The following CDK14 variants were observed in gnomAD, a reference collection of about 807,000 sequenced individuals.
CDK14 encodes cyclin-dependent kinase 14.
Under a neutral mutation model 60.7 loss-of-function variants are expected in CDK14, and 34 were observed. The observed-to-expected ratio is 0.56, with a 90% CI of 0.43 to 0.75. The LOEUF (loss-of-function observed/expected upper bound fraction) is 0.75. CDK14 is among the 30% of genes least tolerant of loss of function. The pLI is 0.00. For missense variants in CDK14, 482 were observed against 564.1 expected (o/e 0.85, Z 1.47); for synonymous variants, 197 against 203.7 (o/e 0.97, Z 0.28).
intron 7 of CDK14, among the ~76,000 whole-genome samples, chr7:90,911,983 C>G (rs907069690): frequency 6.6e-6 from 1 of 152,164 alleles, no homozygotes; most frequent in Non-Finnish European, 1.5e-5. Context: ...AAAGATAGCT[C>G]TGCTGCTGGC....
intron 8 of CDK14, among the ~76,000 whole-genome samples, chr7:90,939,025 A>G (rs777115112): frequency 3.9e-5 from 6 of 152,244 alleles, no homozygotes; most frequent in Non-Finnish European, 7.3e-5. Flanking sequence ...TATATTTCAA[A>G]TATGGTTTCC....
chr7:90,944,712 A>G (rs1328360820), intron 8 of CDK14, among the ~76,000 whole-genome samples: 1 of 152,210 alleles, frequency 6.6e-6, no homozygotes, highest in Non-Finnish European at 1.5e-5. Flanking sequence ...AGCCTGGGTG[A>G]CAGAGTAAGA....
chr7:91,193,044 A>G (rs1425558671), intron 14 of CDK14, among the ~76,000 whole-genome samples: 1 of 152,162 alleles, frequency 6.6e-6, no homozygotes, highest in Admixed American at 6.5e-5. Context: ...AGTGTAGGAA[A>G]TCATGTAAGC....
At chr7:91,180,692 G>A (rs1211369615) in intron 14 of CDK14, among the ~76,000 whole-genome samples, 1 of 152,324 alleles carries the variant, frequency 6.6e-6, no homozygotes, top group South Asian at 2.1e-4. Flanking sequence ...TCTCCACGAG[G>A]TCAGGGAGAA....
chr7:90,741,840 T>G (rs957899048), intron 3 of CDK14, among the ~76,000 whole-genome samples: 57 of 152,122 alleles, frequency 3.7e-4, no homozygotes, highest in African/African-American at 1.1e-3. Flanking sequence ...TTTGGAACCT[T>G]TCCTTTGTTA....
chr7:90,681,306 G>A (rs1444141598), intron 2 of CDK14, among the ~76,000 whole-genome samples: 11 of 152,138 alleles, frequency 7.2e-5, no homozygotes. Flanking sequence ...TAATCCCTGT[G>A]TACTTTTGGC....
intron 6 of CDK14, among the ~76,000 whole-genome samples, chr7:90,896,535 A>G (rs1321429953): frequency 6.6e-6 from 1 of 152,004 alleles, no homozygotes; most frequent in Non-Finnish European, 1.5e-5. Context: ...TCTGGCATTA[A>G]AAAAAAACCT....
At chr7:91,059,844 A>G (rs1188062570) in intron 11 of CDK14, among the ~76,000 whole-genome samples, 1 of 152,234 alleles carries the variant, frequency 6.6e-6, no homozygotes, top group Non-Finnish European at 1.5e-5. Flanking sequence ...CAATTTTGGA[A>G]TAGGTGTGGT....
At chr7:91,009,333 G>A (rs933253405) in intron 10 of CDK14, among the ~76,000 whole-genome samples, 1 of 152,068 alleles carries the variant, frequency 6.6e-6, no homozygotes, top group Non-Finnish European at 1.5e-5. Flanking sequence ...AAACTGCTGT[G>A]AACATTCATG....
intron 5 of CDK14, among the ~76,000 whole-genome samples, chr7:90,822,779 C>T (rs1789594008): frequency 6.6e-6 from 1 of 152,136 alleles, no homozygotes; most frequent in Non-Finnish European, 1.5e-5. Flanking sequence ...AAACTAATAT[C>T]TGGTGTTGTA....
intron 2 of CDK14, among the ~76,000 whole-genome samples, chr7:90,636,763 C>T (rs568432087): frequency 1.6e-4 from 24 of 152,246 alleles, no homozygotes; most frequent in African/African-American, 5.8e-4. Context: ...CCATCTGGTC[C>T]TGGACTCTTT....
intron 12 of CDK14, among the ~76,000 whole-genome samples, chr7:91,083,426 T>C (rs1467998798): frequency 6.6e-6 from 1 of 152,038 alleles, no homozygotes; most frequent in East Asian, 1.9e-4. Flanking sequence ...CCCTTGAAAA[T>C]GTACTGTTTT....
chr7:91,025,259 T>G (rs1446748356), intron 10 of CDK14, among the ~76,000 whole-genome samples: 5 of 152,156 alleles, frequency 3.3e-5, no homozygotes, highest in Admixed American at 6.5e-5. Context: ...CCTGGCACTT[T>G]GTTCTTCTGA....
At chr7:91,108,354 ACC>A (rs1266839825) in intron 12 of CDK14, among the ~76,000 whole-genome samples, 1 of 152,218 alleles carries the variant, frequency 6.6e-6, no homozygotes, top group East Asian at 1.9e-4. Context: ...AAGCATGTTT[ACC>A]ATTCGTTTGA....
At chr7:90,657,309 T>C (rs922533438) in intron 2 of CDK14, among the ~76,000 whole-genome samples, 4 of 152,228 alleles carry the variant, frequency 2.6e-5, no homozygotes, top group African/African-American at 9.6e-5. Flanking sequence ...GCTTGAAATA[T>C]ATTTTACAAA....
rs1801012888 is a variant in CDK14 at position 90,667,688 on chromosome 7, ACC to A, written c.124-58878_124-58877del. ...GGGTTCACACCATTCTCCTGCCTCA[ACC>A]TCCTGAGTAGCTGGGACTATAGGCG... On this transcript the variant is annotated intron_variant, in intron 2 of 14. Transcript: ENST00000380050. Among the ~76,000 whole-genome samples, 3 of 148,752 alleles carry A rather than the reference ACC, an allele frequency of 2.0e-5. No homozygotes were observed. In the South Asian group the frequency reaches 6.5e-4, roughly 32 times the overall value.
chr7:90,785,144 AG>A (rs544778847), intron 4 of CDK14, among the ~76,000 whole-genome samples: 10,577 of 152,234 alleles, frequency 0.069, 852 homozygotes, highest in East Asian at 0.42. Flanking sequence ...AATGGAAGAG[AG>A]AAGCAGAATA....
At chr7:90,985,831 G>C (rs987181463) in intron 10 of CDK14, among the ~76,000 whole-genome samples, 1 of 152,028 alleles carries the variant, frequency 6.6e-6, no homozygotes, top group African/African-American at 2.4e-5. Flanking sequence ...TGTTGGTTTT[G>C]TTCTTTCAGA....
chr7:90,770,751 C>T (rs1489508780), intron 4 of CDK14, among the ~76,000 whole-genome samples: 1 of 152,180 alleles, frequency 6.6e-6, no homozygotes, highest in Non-Finnish European at 1.5e-5. Context: ...GCTTAAGTGA[C>T]TTGTGTCTCC....
Sources: allele counts gnomAD v4.1 joint callset (sites outside exome capture counted in the v4.1 genomes callset), GRCh38; gene constraint gnomAD v4.1.1; transcripts MANE v1.5; gene names NCBI Gene and HGNC (gene_info 2026-07-23, HGNC 2026-07-21).